The following RALGAPA2 variants were observed in gnomAD, a reference collection of about 807,000 sequenced individuals.
RALGAPA2 encodes Ral GTPase activating protein catalytic subunit alpha 2.
A neutral mutation model predicts 230.4 loss-of-function variants in RALGAPA2; 139 were observed. The observed-to-expected ratio is 0.60, with a 90% CI of 0.53 to 0.69. The LOEUF is 0.69. Among genes scored for constraint, RALGAPA2 ranks in the 30% least tolerant of loss-of-function variants. The pLI, the probability that RALGAPA2 is intolerant of heterozygous loss-of-function variation, is 0.00. For missense variants in RALGAPA2, 2,163 were observed against 2,276.0 expected (o/e 0.95, Z 1.01); for synonymous variants, 847 against 837.8 (o/e 1.01, Z -0.19).
chr20:20,703,552 C>A (rs1010977705), intron 1 of RALGAPA2, among the ~76,000 whole-genome samples: 4 of 152,112 alleles, frequency 2.6e-5, no homozygotes, highest in African/African-American at 7.2e-5. Context: ...TAATAAATTT[C>A]TTTTATAATT....
chr20:20,535,267 C>T (rs906734874), intron 26 of RALGAPA2, among the ~76,000 whole-genome samples: 5 of 152,122 alleles, frequency 3.3e-5, no homozygotes, highest in East Asian at 3.9e-4. Context: ...CTTTTCAATA[C>T]GTAAGTGGCC....
At chr20:20,697,879 A>G (rs2069179856) in intron 1 of RALGAPA2, among the ~76,000 whole-genome samples, 1 of 152,214 alleles carries the variant, frequency 6.6e-6, no homozygotes, top group South Asian at 2.1e-4. Context: ...GAGACTGGGT[A>G]AGTACCCTGA....
chr20:20,704,673 G>GCT (rs1333992997), intron 1 of RALGAPA2, among the ~76,000 whole-genome samples: 5 of 152,184 alleles, frequency 3.3e-5, no homozygotes, highest in East Asian at 1.9e-4. Context: ...AAGGAAGGGA[G>GCT]CTCTCTCTCT....
rs766221354 is a variant in RALGAPA2 at position 20,503,336 on chromosome 20, G to A, written c.5208+15C>T. The A allele has an allele frequency of 1.2e-5, 19 of 1,540,066 alleles. No homozygotes were observed. Among genetic ancestry groups the A allele is most frequent in the Middle Eastern group, 1.7e-4 (1 of 5,808 alleles). On this transcript the variant is annotated intron_variant, in intron 35 of 39. Transcript: ENST00000202677. ...ACCAGGGCAGCTAAGAATGGTGCCCGAGGAGACCCCTTACCTTTTTGGTGA... is the reference window on the plus strand; with the variant it reads ...ACCAGGGCAGCTAAGAATGGTGCCCAAGGAGACCCCTTACCTTTTTGGTGA...
At chr20:20,524,271 TAAG>T in intron 30 of RALGAPA2, 132 bp downstream of exon 30, 4 of 1,252,602 alleles carry the variant, frequency 3.2e-6, no homozygotes, top group Non-Finnish European at 4.4e-6. Context: ...ATTTACTTTT[TAAG>T]AAAACGTTTA....
intron 30 of RALGAPA2, among the ~76,000 whole-genome samples, chr20:20,522,985 C>T (rs186759824): frequency 1.2e-4 from 18 of 151,710 alleles, no homozygotes; most frequent in African/African-American, 3.4e-4. Context: ...CTGAAGAAAC[C>T]ATTTAAGAAT....
chr20:20,677,628 CATTTTTTTT>C (rs1290841864), intron 2 of RALGAPA2, among the ~76,000 whole-genome samples: 7 of 121,840 alleles, frequency 5.7e-5, no homozygotes, highest in African/African-American at 2.4e-4. Context: ...TGATTTGACC[CATTTTTTTT>C]TTTTTTTTTT....
intron 20 of RALGAPA2, among the ~76,000 whole-genome samples, chr20:20,581,771 C>T (rs577592592): frequency 6.6e-6 from 1 of 151,900 alleles, no homozygotes; most frequent in South Asian, 2.1e-4. Context: ...AAGAATTTCC[C>T]AAATATCAGA....
chr20:20,396,108 G>A (rs2059709850), intron 39 of RALGAPA2, among the ~76,000 whole-genome samples: 1 of 152,208 alleles, frequency 6.6e-6, no homozygotes, highest in Non-Finnish European at 1.5e-5. Context: ...AGGCAGGCTG[G>A]GGAGGTCACA....
chr20:20,573,816 T>G (rs1357548223), intron 20 of RALGAPA2, among the ~76,000 whole-genome samples: 1 of 152,252 alleles, frequency 6.6e-6, no homozygotes, highest in Non-Finnish European at 1.5e-5. Context: ...TTTACAGATG[T>G]GTCATAGTTT....
chr20:20,611,952 A>G (rs981379293), intron 13 of RALGAPA2, among the ~76,000 whole-genome samples: 15 of 152,272 alleles, frequency 9.9e-5, no homozygotes, highest in African/African-American at 2.9e-4. Context: ...ATTACAGGAC[A>G]CTTACAGGCA....
intron 36 of RALGAPA2, among the ~76,000 whole-genome samples, chr20:20,487,794 C>T (rs184259016): frequency 6.6e-6 from 1 of 151,992 alleles, no homozygotes; most frequent in African/African-American, 2.4e-5. Context: ...CGCCTTTAGT[C>T]CCAGCTACTC....
intron 14 of RALGAPA2, among the ~76,000 whole-genome samples, chr20:20,606,494 C>G (rs2065825235): frequency 6.6e-6 from 1 of 152,202 alleles, no homozygotes; most frequent in South Asian, 2.1e-4. Context: ...AGTGCCTTCA[C>G]CTGCTCGCTC....
chr20:20,405,668 C>T (rs2059930365), intron 38 of RALGAPA2, among the ~76,000 whole-genome samples: 1 of 152,232 alleles, frequency 6.6e-6, no homozygotes. Flanking sequence ...TCGAGACCAT[C>T]TACGAAAGCA....
At chr20:20,641,250 T>C (rs529176967) in intron 5 of RALGAPA2, among the ~76,000 whole-genome samples, 1 of 152,332 alleles carries the variant, frequency 6.6e-6, no homozygotes, top group African/African-American at 2.4e-5. Flanking sequence ...ACACAATGGC[T>C]AACTCCCAGT....
At chr20:20,571,786 C>T in intron 22 of RALGAPA2, 62 bp downstream of exon 22, 1 of 1,507,844 alleles carries the variant, frequency 6.6e-7, no homozygotes, top group Non-Finnish European at 9.1e-7. Context: ...TTACATTTTT[C>T]AAACTCAATT....
rs777115232 is a variant in RALGAPA2, at chr20:20,680,787, T to C, written c.121A>G (p.Asn41Asp). Residue 41 changes from asparagine to aspartate, a missense_variant, in exon 2 of 40, where the codon AAT becomes GAT. Physicochemically the swap from Asn to Asp is conservative, Grantham distance 23. Transcript: ENST00000202677. ...LRALLDNVDA[N>D]DLKQFFETNY... ...GTCTCAAAAAACTGCTTAAGATCAT[T>C]TGCATCCACATTATCTGAAAAGAAA... The C allele has an allele frequency of 1.3e-5, 20 of 1,577,344 alleles. No individual in the cohort carries two copies. The highest frequency in any genetic ancestry group is 1.4e-5 in the Non-Finnish European group (16 of 1,167,942).
At position 20,512,895 on chromosome 20, in the gene RALGAPA2, G is replaced by T. The variant is rs1569455392; in HGVS notation, c.4474C>A (p.Pro1492Thr). ...TGCCAGCTCGAAATCAGAAATGAAG[G>T]ATTTCTTCCATTGGGTGCTAAGCAG... ...EGCLAPNGRN[P>T]SFLISSWHRD... Residue 1492 changes from proline (P) to threonine (T), a missense_variant, in exon 32 of 40, where the codon CCT becomes ACT. Pro to Thr is a conservative substitution (Grantham distance 38). Transcript: ENST00000202677. The T allele has an allele frequency of 6.2e-7, 1 of 1,613,824 alleles. No individual in the cohort carries two copies. The highest frequency in any genetic ancestry group is 1.3e-5 in the African/African-American group (1 of 75,022).
intron 37 of RALGAPA2, among the ~76,000 whole-genome samples, chr20:20,428,598 A>G (rs976822319): frequency 6.6e-6 from 1 of 152,202 alleles, no homozygotes; most frequent in Non-Finnish European, 1.5e-5. Flanking sequence ...GAATTGTATC[A>G]CTGGTCTCAA....
Sources: gnomAD v4.1 joint callset for allele counts (sites outside exome capture counted in the v4.1 genomes callset) on GRCh38, gnomAD v4.1.1 for gene constraint, MANE v1.5 for transcripts, NCBI Gene and HGNC (gene_info 2026-07-23, HGNC 2026-07-21) for gene names.